The following ANKMY1 variants were observed in gnomAD, a reference collection of about 807,000 sequenced individuals.
ANKMY1 encodes the protein ankyrin repeat and MYND domain containing 1.
ANKMY1 carries 98 observed loss-of-function variants against 102.0 expected under a neutral mutation model. The observed-to-expected ratio is 0.96, with a 90% CI of 0.82 to 1.14. The LOEUF (loss-of-function observed/expected upper bound fraction) is 1.14, where lower values mean the gene tolerates loss of function less well. ANKMY1 is among the 50% of genes most tolerant of loss of function. ANKMY1 has a pLI of 0.00. For missense variants in ANKMY1, 1,330 were observed against 1,347.6 expected (o/e 0.99, Z 0.20); for synonymous variants, 582 against 559.9 (o/e 1.04, Z -0.56).
intron 9 of ANKMY1, among the ~76,000 whole-genome samples, chr2:240,515,042 T>C (rs2080924204): frequency 6.6e-6 from 1 of 152,230 alleles, no homozygotes; most frequent in Non-Finnish European, 1.5e-5. Flanking sequence ...AAATTAAAAC[T>C]ATTCAATCCC....
In ANKMY1 at chr2:240,499,863, GC is replaced by G; in HGVS notation, c.2806+94del. 7.0e-7 allele frequency: 1 copy of G among 1,436,818 alleles called. No individual in the cohort carries two copies. Among genetic ancestry groups the G allele is most frequent in the East Asian group, 2.5e-5 (1 of 40,626 alleles). The allele number at this position is 1,436,818 out of a possible 1,614,324, so 89.0% of individuals were successfully genotyped here. A position where few individuals can be genotyped will look rare whatever the true frequency, so the allele number is the denominator to read the frequency against. On this transcript the variant is annotated intron_variant, in intron 15 of 17. Transcript: ENST00000401804. The surrounding 1 kb of genome is among the most constrained non-coding windows in gnomAD (Gnocchi z 4.2). ...CAGCCCCAGGAAGGCCCCTCCAAGA[GC>G]CCCAGGGGGTCCAGATCTCCAGGGA...
chr2:240,482,298 G>T, intron 15 of ANKMY1, 37 bp from the exon 16 acceptor site: 1 of 1,587,198 alleles, frequency 6.3e-7, no homozygotes, highest in Non-Finnish European at 8.6e-7. Context: ...TACCCACGTG[G>T]CAGGGTGGGG....
rs142014544 is a variant in ANKMY1, at chr2:240,499,983, G to A, written c.2781C>T (p.Pro927=). The change falls in exon 15 of 18, where the codon CCC becomes CCT. Residue 927 remains proline, a synonymous_variant. Transcript: ENST00000401804. This position sits in a 1 kb window ranked among gnomAD's most constrained non-coding sequence, Gnocchi z 4.2. ...CTCTCTTGCACAGGTACAGCCACGT[G>A]GGGTCCCACTGGCTCTCCTTGGCAA... ...AVFAKESQWD[P]TWLYLCKRAE... is the part of the protein sequence containing the mutation. 85 of 1,612,800 alleles carry A rather than the reference G, an allele frequency of 5.3e-5. No individual in the cohort carries two copies. The highest frequency in any genetic ancestry group is 7.1e-5 in the Non-Finnish European group (84 of 1,179,794).
In ANKMY1 at chr2:240,555,001, C is replaced by T. The variant is rs1440694991; in HGVS notation, c.201G>A (p.Arg67=). Residue 67 remains arginine, a synonymous_variant, in exon 3 of 18, where the codon AGG becomes AGA. Transcript: ENST00000401804. ...KEEEEAEGPL[R]AQDLRESYIQ... is the part of the protein sequence containing the mutation. ...TGTAGGACTCCCTCAGGTCCTGCGCCCTCAGCGGGCCCTCAGCTTCCTCCT... is the reference window on the plus strand; with the variant it reads ...TGTAGGACTCCCTCAGGTCCTGCGCTCTCAGCGGGCCCTCAGCTTCCTCCT... 3 of 1,614,052 alleles carry T rather than the reference C, an allele frequency of 1.9e-6. No homozygotes were observed. Among genetic ancestry groups the T allele is most frequent in the South Asian group, 2.2e-5 (2 of 91,096 alleles).
At chr2:240,531,571 T>TA (rs1442680710) in intron 4 of ANKMY1, among the ~76,000 whole-genome samples, 1 of 152,200 alleles carries the variant, frequency 6.6e-6, no homozygotes, top group Non-Finnish European at 1.5e-5. Context: ...TTGACTGAAA[T>TA]ATGTAAAACA....
At chr2:240,500,882 C>A (rs997332325) in intron 13 of ANKMY1, among the ~76,000 whole-genome samples, 1 of 152,236 alleles carries the variant, frequency 6.6e-6, no homozygotes, top group Non-Finnish European at 1.5e-5. Flanking sequence ...CATTACAGTC[C>A]TGCTCCCCTC....
chr2:240,469,620 C>A, the ANKMY1 span, among the ~76,000 whole-genome samples: 3 of 144,872 alleles, frequency 2.1e-5, no homozygotes, highest in Admixed American at 7.0e-5. Flanking sequence ...CTGCTCCACA[C>A]GAACATACAC....
chr2:240,481,401 CCA>C lies in ANKMY1; in HGVS notation c.2886-306_2886-305del, dbSNP rs2075367889. Among the ~76,000 whole-genome samples the C allele has an allele frequency of 2.0e-5, 3 of 152,210 alleles. 1 individual carries two copies. The highest frequency in any genetic ancestry group is 2.1e-4 in the South Asian group (1 of 4,830). The stretch of plus-strand genomic sequence containing the variant: ...ATCCATTCAGGAGACCGCCGTGGGG[CCA>C]CACACACGATGGTGCGGAACTCCTA... On this transcript the variant is annotated intron_variant, in intron 16 of 17. Transcript: ENST00000401804.
intron 1 of ANKMY1, 129 bp downstream of exon 1, chr2:240,557,752 C>T: frequency 1.8e-6 from 1 of 543,770 alleles, no homozygotes; most frequent in Non-Finnish European, 2.4e-6. Context: ...CCTAACCCCA[C>T]GCCCCCAGCC....
Position 240,509,453 on chromosome 2 carries a change from A to G in ANKMY1, c.2289T>C (p.Cys763=), listed in dbSNP as rs140085976. 1.5e-4 allele frequency: 240 copies of G among 1,610,692 alleles called. No homozygotes were observed. In the African/African-American group the frequency reaches 2.9e-3, roughly 20 times the overall value. The change falls in exon 12 of 18, where the codon TGT becomes TGC. Residue 763 remains cysteine (C), a splice_region_variant and synonymous_variant. Transcript: ENST00000401804. The part of the protein sequence containing the change: ...MACEREDDNK[C]ARDIVRLLLS... Reference sequence around the variant, plus strand: ...GAAGGAGCCGGACTATGTCCCTGGCACACTGGGTGGGGAGAAATGACAGGT... The same window carrying G: ...GAAGGAGCCGGACTATGTCCCTGGCGCACTGGGTGGGGAGAAATGACAGGT...
chr2:240,498,915 G>A (rs1292785047), intron 15 of ANKMY1, among the ~76,000 whole-genome samples: 1 of 152,144 alleles, frequency 6.6e-6, no homozygotes, highest in African/African-American at 2.4e-5. Flanking sequence ...ACTGGGAGTG[G>A]AAGCTCCCTG....
chr2:240,529,324 G>A lies in ANKMY1; in HGVS notation c.666C>T (p.Ser222=). The change falls in exon 5 of 18, where the codon AGC becomes AGT. Residue 222 remains serine (S), a synonymous_variant. Coordinates refer to ENST00000401804, the MANE Select transcript of ANKMY1 (RefSeq NM_001282771.3). The surrounding 1 kb of genome is among the most constrained non-coding windows in gnomAD (Gnocchi z 4.2). The part of the protein sequence containing the change: ...SFITHSPARI[S]LSEEEKTEWG... ...ACTCCGTTTTCTCCTCTTCTGAGAG[G>A]CTGATCCTGGCAGGGCTGTGGGTGA... The A allele has an allele frequency of 6.2e-7, 1 of 1,614,196 alleles. No homozygotes were observed. The highest frequency in any genetic ancestry group is 8.5e-7 in the Non-Finnish European group (1 of 1,180,038).
intron 4 of ANKMY1, among the ~76,000 whole-genome samples, chr2:240,539,420 C>T (rs755054860): frequency 1.2e-4 from 19 of 152,278 alleles, no homozygotes; most frequent in East Asian, 9.7e-4. Context: ...ACCATGAACC[C>T]GCCAGAAGGA....
intron 4 of ANKMY1, among the ~76,000 whole-genome samples, chr2:240,542,618 G>A (rs1270557551): frequency 2.0e-5 from 3 of 151,938 alleles, no homozygotes; most frequent in Non-Finnish European, 4.4e-5. Context: ...AAACAAATTC[G>A]TAGACTGGTG....
intron 16 of ANKMY1, among the ~76,000 whole-genome samples, 197 bp from the exon 17 acceptor site, chr2:240,481,294 A>G (rs2075353349): frequency 6.6e-6 from 1 of 152,180 alleles, no homozygotes; most frequent in African/African-American, 2.4e-5. Flanking sequence ...CAGCACAGTG[A>G]TATTTAGAAT....
At chr2:240,558,091 G>A (rs896582278), upstream of ANKMY1, 1 of 636,878 alleles carries the variant, frequency 1.6e-6, no homozygotes, top group Admixed American at 6.3e-5. Context: ...CCGCCTCCGG[G>A]CGTGCCCGCC....
chr2:240,482,273 A>G lies in ANKMY1; in HGVS notation c.2807-12T>C, dbSNP rs2075491788. The stretch of plus-strand genomic sequence containing the variant: ...GGGGATCAGCTCCGCTGCATGAGAG[A>G]GGGTCCCGCATTAGTACCCACGTGG... On this transcript the variant is annotated splice_polypyrimidine_tract_variant and intron_variant, in intron 15 of 17. Transcript: ENST00000401804. 3 of 1,608,224 alleles carry G rather than the reference A, an allele frequency of 1.9e-6. No individual in the cohort carries two copies. The East Asian group carries it at 6.7e-5, about 36-fold the overall frequency.
At chr2:240,547,186 C>G (rs1247913927) in intron 4 of ANKMY1, among the ~76,000 whole-genome samples, 1 of 152,184 alleles carries the variant, frequency 6.6e-6, no homozygotes, top group Non-Finnish European at 1.5e-5. Flanking sequence ...TGCAATCAAA[C>G]TAGAACTCAG....
chr2:240,553,099 G>T, intron 3 of ANKMY1, 42 bp from the exon 4 acceptor site: 4 of 1,603,602 alleles, frequency 2.5e-6, no homozygotes, highest in Non-Finnish European at 3.4e-6. Flanking sequence ...TGCTCTTCCA[G>T]AACCTGACGG....
Sources: gnomAD v4.1 joint callset for allele counts (sites outside exome capture counted in the v4.1 genomes callset) on GRCh38, gnomAD v4.1.1 for gene constraint, Gnocchi (gnomAD v3.1) non-coding constraint, MANE v1.5 for transcripts, NCBI Gene and HGNC (gene_info 2026-07-23, HGNC 2026-07-21) for gene names.